The following LUC7L variants were observed in gnomAD, a reference collection of about 807,000 sequenced individuals.
LUC7L encodes the protein putative RNA-binding protein Luc7-like 1.
A neutral mutation model predicts 51.1 loss-of-function variants in LUC7L; 29 were observed. The observed-to-expected ratio is 0.57, with a 90% CI of 0.42 to 0.77. The LOEUF (loss-of-function observed/expected upper bound fraction) is 0.77. Ranked by LOEUF, LUC7L falls within the 30% of genes least tolerant of loss-of-function variation. LUC7L has a pLI of 0.00. For missense variants in LUC7L, 403 were observed against 511.9 expected (o/e 0.79, Z 2.05); for synonymous variants, 181 against 180.7 (o/e 1.00, Z -0.01).
chr16:227,117 C>T (rs992402851), intron 2 of LUC7L, 125 bp downstream of exon 2: 2 of 695,936 alleles, frequency 2.9e-6, no homozygotes, highest in South Asian at 1.8e-5. Flanking sequence ...GGAACACCTG[C>T]CATAATTAAG....
At chr16:227,826 T>A (rs956904094) in intron 1 of LUC7L, 1 of 1,000,426 alleles carries the variant, frequency 1.0e-6, no homozygotes, top group Non-Finnish European at 1.2e-6. Flanking sequence ...TATCGAAGAC[T>A]GTTAAATAAT....
intron 1 of LUC7L, 110 bp from the exon 2 acceptor site, chr16:227,446 C>A: frequency 6.7e-7 from 1 of 1,498,692 alleles, no homozygotes; most frequent in Non-Finnish European, 8.9e-7. Flanking sequence ...TTTCTGTGTT[C>A]TCCCCATCAA....
At chr16:210,811 G>A (rs559766373) in intron 3 of LUC7L, among the ~76,000 whole-genome samples, 3 of 152,180 alleles carry the variant, frequency 2.0e-5, no homozygotes, top group African/African-American at 4.8e-5. Flanking sequence ...CAGCACTTTG[G>A]GAGGCTGAGG....
chr16:203,907 T>A (rs983502744), intron 5 of LUC7L, among the ~76,000 whole-genome samples: 4 of 151,320 alleles, frequency 2.6e-5, no homozygotes, highest in African/African-American at 9.7e-5. Context: ...TCTCAGCTAC[T>A]CGGGAGGCTG....
intron 5 of LUC7L, among the ~76,000 whole-genome samples, chr16:201,242 TAAA>T (rs764945208): frequency 1.0e-3 from 80 of 78,506 alleles, no homozygotes; most frequent in Admixed American, 3.6e-3. Context: ...GCTACATAAC[TAAA>T]AAAAAAAAAA....
intron 2 of LUC7L, among the ~76,000 whole-genome samples, chr16:224,216 T>A (rs940415474): frequency 2.0e-5 from 3 of 152,032 alleles, no homozygotes; most frequent in Admixed American, 1.3e-4. Context: ...AAGAAAGATA[T>A]GACATTAGAA....
At chr16:226,130 G>A (rs2050126416) in intron 2 of LUC7L, among the ~76,000 whole-genome samples, 1 of 152,132 alleles carries the variant, frequency 6.6e-6, no homozygotes, top group South Asian at 2.1e-4. Flanking sequence ...AACACCCCAA[G>A]GAACAGAGGC....
intron 4 of LUC7L, among the ~76,000 whole-genome samples, chr16:206,837 T>C (rs985321207): frequency 3.0e-4 from 44 of 147,744 alleles, no homozygotes; most frequent in Admixed American, 1.0e-3. Context: ...GGCGGGAGGA[T>C]TGCTTAAGCC....
chr16:222,910 G>A (rs1360765892), intron 2 of LUC7L, among the ~76,000 whole-genome samples: 16 of 145,540 alleles, frequency 1.1e-4, no homozygotes, highest in Non-Finnish European at 9.0e-5. Flanking sequence ...GATTACGAGC[G>A]TGAGCCACCT....
intron 6 of LUC7L, among the ~76,000 whole-genome samples, chr16:197,726 G>A (rs1404086136): frequency 3.3e-5 from 5 of 152,082 alleles, no homozygotes; most frequent in Admixed American, 6.6e-5. Context: ...TGCCATATGC[G>A]GCCTGAGTGA....
chr16:189,006 GATTT>G lies in LUC7L; in HGVS notation c.*188_*191del. ...CCCGCAGCCTCAGGAGGCAGCATCA[GATTT>G]ATTTATTCCTACTCAACATGACCCG... On this transcript the variant is annotated 3_prime_UTR_variant, in exon 10 of 10. Transcript: ENST00000293872. The G allele has an allele frequency of 1.7e-6, 1 of 591,916 alleles. No homozygotes were observed. The highest frequency in any genetic ancestry group is 2.9e-6 in the Non-Finnish European group (1 of 346,892). The allele number at this position is 591,916 out of a possible 1,614,324, so 36.7% of individuals were successfully genotyped here. A position where few individuals can be genotyped will look rare whatever the true frequency, so the allele number is the denominator to read the frequency against.
Position 189,307 on chromosome 16 carries a change from G to T in LUC7L, c.1007C>A (p.Ser336Tyr). The T allele has an allele frequency of 1.9e-6, 3 of 1,612,946 alleles. No homozygotes were observed. The highest frequency in any genetic ancestry group is 2.5e-6 in the Non-Finnish European group (3 of 1,179,846). ...TCGCTCGCTCCGCCCGCTCTCCCAGGACTCCTCTCTGGATGCCCGCTCTCT... is the reference window on the plus strand; with the variant it reads ...TCGCTCGCTCCGCCCGCTCTCCCAGTACTCCTCTCTGGATGCCCGCTCTCT... ...FSRERASREE[S>Y]WESGRSERGP... Residue 336 changes from serine to tyrosine, a missense_variant, in exon 10 of 10, where the codon TCC (serine) becomes TAC (tyrosine). By Grantham distance (144) the Ser-to-Tyr change is moderately radical. Around this residue, in one of 3 missense-constraint regions of LUC7L, gnomAD observed 206 missense variants for 218.3 expected, o/e 0.94. Transcript: ENST00000293872.
chr16:217,916 G>C (rs2049852451), intron 3 of LUC7L, among the ~76,000 whole-genome samples: 1 of 150,688 alleles, frequency 6.6e-6, no homozygotes, highest in Non-Finnish European at 1.5e-5. Context: ...GCGGGTGCCT[G>C]TAATCACAGC....
intron 9 of LUC7L, 185 bp downstream of exon 9, chr16:189,783 C>G: frequency 7.1e-7 from 1 of 1,418,090 alleles, no homozygotes; most frequent in Non-Finnish European, 9.2e-7. Context: ...TCACCTGGCG[C>G]CGTGCGAGCT....
chr16:207,208 A>G (rs1056237603), intron 4 of LUC7L, among the ~76,000 whole-genome samples: 3 of 151,710 alleles, frequency 2.0e-5, no homozygotes, highest in Admixed American at 2.0e-4. Flanking sequence ...CTTAAAAAAA[A>G]AAAAAAACCG....
intron 6 of LUC7L, among the ~76,000 whole-genome samples, chr16:195,408 G>A (rs890605280): frequency 1.3e-5 from 2 of 151,966 alleles, no homozygotes; most frequent in Non-Finnish European, 2.9e-5. Flanking sequence ...ACTCCACCCT[G>A]GGTGCCAGAG....
intron 2 of LUC7L, among the ~76,000 whole-genome samples, chr16:222,239 G>A (rs1480230165): frequency 1.3e-5 from 2 of 150,924 alleles, no homozygotes; most frequent in Admixed American, 6.6e-5. Context: ...GAGGATCATC[G>A]TGTCAAGTTA....
chr16:219,118 C>T (rs114964284), intron 3 of LUC7L, among the ~76,000 whole-genome samples: 1,934 of 151,696 alleles, frequency 0.013, 42 homozygotes, highest in African/African-American at 0.044. Context: ...AGGACAGGCG[C>T]GGTGGCTCAC....
At chr16:191,974 T>C (rs1040791336) in intron 7 of LUC7L, among the ~76,000 whole-genome samples, 5 of 152,040 alleles carry the variant, frequency 3.3e-5, no homozygotes, top group Admixed American at 2.0e-4. Flanking sequence ...TCCTACCTCT[T>C]TGAACTCCAA....
Sources: gnomAD v4.1 joint callset for allele counts (sites outside exome capture counted in the v4.1 genomes callset) on GRCh38, gnomAD v4.1.1 for gene constraint, gnomAD v4.1.1 regional missense constraint, MANE v1.5 for transcripts, NCBI Gene and HGNC (gene_info 2026-07-23, HGNC 2026-07-21) for gene names.